The following DUSP22 variants were observed in gnomAD, a reference collection of about 807,000 sequenced individuals.
DUSP22 encodes the protein dual specificity phosphatase 22, also known as dual specificity protein phosphatase 22.
A neutral mutation model predicts 24.5 loss-of-function variants in DUSP22; 24 were observed. The observed-to-expected ratio is 0.98, with a 90% CI of 0.71 to 1.38. The LOEUF is 1.38. DUSP22 is among the 40% of genes most tolerant of loss of function. DUSP22 has a pLI of 0.00. For missense variants in DUSP22, 330 were observed against 269.2 expected (o/e 1.23, Z -1.58); for synonymous variants, 160 against 106.4 (o/e 1.50, Z -3.10).
Position 351,158 on chromosome 6 carries a change from T to C in DUSP22, c.*2207T>C. ...TGCCTTGTGGGTGGCTTGGCGCTCG[T>C]GATTGCTTCCTGTGAACGCCTCCCA... On this transcript the variant is annotated 3_prime_UTR_variant, in exon 7 of 7. Transcript: ENST00000419235. 2.1e-6 allele frequency: 1 copy of C among 476,100 alleles called. No individual in the cohort carries two copies. Among genetic ancestry groups the C allele is most frequent in the Admixed American group, 3.7e-5 (1 of 27,266 alleles). 29.5% of individuals were successfully genotyped at this position (476,100 alleles called of 1,614,324 possible).
In DUSP22 at chr6:335,099, T is replaced by A. The variant is rs751551176; in HGVS notation, c.139-15T>A. The A allele has an allele frequency of 3.1e-6, 5 of 1,611,928 alleles. No individual in the cohort carries two copies. The highest frequency in any genetic ancestry group is 2.7e-5 in the African/African-American group (2 of 74,904). Reference sequence around the variant, plus strand: ...TGTTTTTATTTTTATGTATTTACTTTTTATTATTCTGCAGGGAGTTAAATA... The same window carrying A: ...TGTTTTTATTTTTATGTATTTACTTATTATTATTCTGCAGGGAGTTAAATA... On this transcript the variant is annotated splice_polypyrimidine_tract_variant and intron_variant, in intron 3 of 6. Transcript: ENST00000419235.
At chr6:324,210 C>G (rs1034258273) in intron 3 of DUSP22, among the ~76,000 whole-genome samples, 1 of 152,308 alleles carries the variant, frequency 6.6e-6, no homozygotes, top group Non-Finnish European at 1.5e-5. Context: ...ACTCTCTTCC[C>G]CTGTGCTTCC....
At chr6:298,403 A>G (rs547566527) in intron 1 of DUSP22, among the ~76,000 whole-genome samples, 3 of 152,412 alleles carry the variant, frequency 2.0e-5, no homozygotes, top group African/African-American at 4.8e-5. Flanking sequence ...CACCCCACAC[A>G]TGGCCTTGGG....
chr6:333,831 C>G (rs1045675945), intron 3 of DUSP22, among the ~76,000 whole-genome samples: 1 of 152,306 alleles, frequency 6.6e-6, no homozygotes, highest in Non-Finnish European at 1.5e-5. Flanking sequence ...GCTGCCGATC[C>G]GACTCCTGAG....
At chr6:318,247 CCAAGACACAGA>C (rs1758423673) in intron 3 of DUSP22, among the ~76,000 whole-genome samples, 1 of 152,304 alleles carries the variant, frequency 6.6e-6, no homozygotes, top group Non-Finnish European at 1.5e-5. Context: ...GACCATGCAT[CCAAGACACAGA>C]CAGTGACAGT....
intron 1 of DUSP22, among the ~76,000 whole-genome samples, chr6:293,506 C>T (rs1039582819): frequency 3.9e-5 from 6 of 152,406 alleles, no homozygotes; most frequent in African/African-American, 1.2e-4. Flanking sequence ...TTTTTCATTG[C>T]GCTCCACCCA....
chr6:338,801 A>T (rs1022209632), intron 4 of DUSP22, among the ~76,000 whole-genome samples: 3 of 152,304 alleles, frequency 2.0e-5, no homozygotes, highest in African/African-American at 7.2e-5. Flanking sequence ...ATTTTTCCCC[A>T]CAAATCCCTG....
chr6:346,157 G>A (rs1759859869), intron 5 of DUSP22, among the ~76,000 whole-genome samples: 1 of 152,300 alleles, frequency 6.6e-6, no homozygotes, highest in Non-Finnish European at 1.5e-5. Context: ...CATTTCCACT[G>A]CTAGGATTTC....
chr6:317,693 C>T (rs1649853290), intron 3 of DUSP22, among the ~76,000 whole-genome samples: 1 of 152,312 alleles, frequency 6.6e-6, no homozygotes, highest in Non-Finnish European at 1.5e-5. Flanking sequence ...CCACATCGGG[C>T]TCCTGAGCTG....
chr6:316,444 C>G (rs531638646), intron 3 of DUSP22, among the ~76,000 whole-genome samples: 1 of 152,416 alleles, frequency 6.6e-6, no homozygotes, highest in East Asian at 1.9e-4. Flanking sequence ...GGGAGTTGCC[C>G]CTGTGTGCTG....
At chr6:296,296 A>G (rs1448658786) in intron 1 of DUSP22, among the ~76,000 whole-genome samples, 3 of 152,296 alleles carry the variant, frequency 2.0e-5, no homozygotes, top group Non-Finnish European at 4.4e-5. Context: ...ACTTTACCAC[A>G]TAGAGTAAGC....
intron 1 of DUSP22, among the ~76,000 whole-genome samples, chr6:297,208 T>C (rs1458312255): frequency 6.6e-6 from 1 of 152,300 alleles, no homozygotes; most frequent in Non-Finnish European, 1.5e-5. Context: ...TAAGAAACCT[T>C]AGGTGGTTAG....
At chr6:314,262 A>C (rs1758243581) in intron 3 of DUSP22, among the ~76,000 whole-genome samples, 1 of 152,296 alleles carries the variant, frequency 6.6e-6, no homozygotes, top group Non-Finnish European at 1.5e-5. Context: ...CGAGATCTTC[A>C]AAACCATACG....
intron 3 of DUSP22, among the ~76,000 whole-genome samples, chr6:327,335 G>A (rs1412324679): frequency 6.6e-6 from 1 of 152,308 alleles, no homozygotes; most frequent in Non-Finnish European, 1.5e-5. Flanking sequence ...CTGGAGGAGA[G>A]TGAAGGTGGA....
At chr6:312,247 G>A (rs17133064) in intron 3 of DUSP22, among the ~76,000 whole-genome samples, 12,051 of 148,880 alleles carry the variant, frequency 0.081, 28 homozygotes, top group East Asian at 0.25. Context: ...TGGACCTTAA[G>A]GACATTTAAA....
intron 1 of DUSP22, among the ~76,000 whole-genome samples, chr6:304,333 TG>T (rs1380759506): frequency 1.3e-5 from 2 of 152,414 alleles, no homozygotes; most frequent in Admixed American, 1.3e-4. Flanking sequence ...GGGGCCAGGG[TG>T]GGCAGGCGGG....
intron 3 of DUSP22, among the ~76,000 whole-genome samples, chr6:314,178 C>T (rs569276845): frequency 6.6e-6 from 1 of 152,416 alleles, no homozygotes; most frequent in Non-Finnish European, 1.5e-5. Context: ...GTGAGCTGAC[C>T]CCTGGCTGGT....
intron 3 of DUSP22, among the ~76,000 whole-genome samples, chr6:328,509 G>T (rs1227641409): frequency 6.6e-6 from 1 of 152,304 alleles, no homozygotes; most frequent in East Asian, 1.9e-4. Flanking sequence ...GGTGTTGGAG[G>T]TTTCTCATTT....
intron 4 of DUSP22, chr6:337,881 G>C (rs1466210208): frequency 6.6e-6 from 1 of 152,516 alleles, no homozygotes; most frequent in Admixed American, 6.5e-5. Flanking sequence ...CTGGCTCTTG[G>C]CCTTTGATGT....
Sources: allele counts gnomAD v4.1 joint callset (sites outside exome capture counted in the v4.1 genomes callset), GRCh38; gene constraint gnomAD v4.1.1; transcripts MANE v1.5; gene names NCBI Gene and HGNC (gene_info 2026-07-23, HGNC 2026-07-21).